CSMD1: variants seen among roughly 807,000 people sequenced by gnomAD.
CSMD1 encodes the protein CUB and Sushi multiple domains 1.
In CSMD1, 213 loss-of-function variants were observed where a neutral mutation model predicts 417.5. That is an observed-to-expected ratio of 0.51 (90% CI 0.46 to 0.57). The LOEUF (loss-of-function observed/expected upper bound fraction) is 0.57. CSMD1 is among the 20% of genes least tolerant of loss of function. CSMD1 has a pLI of 0.00. For missense variants in CSMD1, 6,923 were observed against 4,529.7 expected, an observed-to-expected ratio of 1.53 and a Z score of -15.17; for synonymous variants, 2,862 against 1,736.8, an observed-to-expected ratio of 1.65 and a Z score of -16.11.
At chr8:4,579,409 T>C (rs1219254712) in intron 2 of CSMD1, among the ~76,000 whole-genome samples, 1 of 151,940 alleles carries the variant, frequency 6.6e-6, no homozygotes, top group Non-Finnish European at 1.5e-5. Context: ...TCCAGGCTGG[T>C]GTACAATGGC....
chr8:3,193,946 C>T (rs1357921372), intron 33 of CSMD1, among the ~76,000 whole-genome samples: 3 of 152,158 alleles, frequency 2.0e-5, no homozygotes, highest in Admixed American at 1.3e-4. Flanking sequence ...CAACAACAAT[C>T]ATAAAATAAA....
At chr8:3,470,581 C>T (rs556843754) in intron 11 of CSMD1, among the ~76,000 whole-genome samples, 139 of 152,184 alleles carry the variant, frequency 9.1e-4, no homozygotes, top group Middle Eastern at 3.4e-3. Context: ...TCACATGTCT[C>T]GGCTCCTGAA....
intron 12 of CSMD1, among the ~76,000 whole-genome samples, chr8:3,439,633 C>T (rs1459996833): frequency 7.3e-5 from 11 of 151,372 alleles, no homozygotes; most frequent in South Asian, 2.1e-4. Context: ...GATTTTTCTC[C>T]GAGATGTTTT....
chr8:4,401,566 C>G (rs1804644794), intron 3 of CSMD1, among the ~76,000 whole-genome samples: 1 of 152,138 alleles, frequency 6.6e-6, no homozygotes, highest in East Asian at 1.9e-4. Flanking sequence ...TGCTTTGAGC[C>G]TGTCTAGACC....
chr8:3,015,935 G>A (rs1205403831), intron 52 of CSMD1, among the ~76,000 whole-genome samples: 3 of 152,088 alleles, frequency 2.0e-5, no homozygotes, highest in African/African-American at 7.2e-5. Context: ...CCTTGCATGC[G>A]CCTCCAGAGG....
chr8:4,427,031 G>A (rs1052446460), intron 2 of CSMD1, among the ~76,000 whole-genome samples: 1 of 152,094 alleles, frequency 6.6e-6, no homozygotes, highest in East Asian at 1.9e-4. Flanking sequence ...GTCCCCACGA[G>A]AACTGGTGTA....
rs141937627 is a variant in CSMD1, at chr8:4,334,400, C to G, written c.415+85553G>C. Among the ~76,000 whole-genome samples the G allele has an allele frequency of 1.5e-3, 222 of 152,218 alleles. 1 individual carries two copies. Among genetic ancestry groups the G allele is most frequent in the African/African-American group, 5.1e-3 (212 of 41,532 alleles). On this transcript the variant is annotated intron_variant, in intron 3 of 69. Transcript: ENST00000635120. ...TGGGCTTCATTCAATCTGAGGGGAACTTTAAGAGCAAATACTGAGGTTTTC... is the reference window on the plus strand; with the variant it reads ...TGGGCTTCATTCAATCTGAGGGGAAGTTTAAGAGCAAATACTGAGGTTTTC...
chr8:4,208,322 G>C (rs921881756), intron 3 of CSMD1, among the ~76,000 whole-genome samples: 9 of 152,132 alleles, frequency 5.9e-5, no homozygotes, highest in Admixed American at 5.2e-4. Flanking sequence ...AGAAATAAAA[G>C]CAAATCAGGT....
At chr8:3,580,630 A>T (rs181107083) in intron 9 of CSMD1, among the ~76,000 whole-genome samples, 44 of 152,314 alleles carry the variant, frequency 2.9e-4, no homozygotes, top group African/African-American at 7.9e-4. Context: ...TCAGGTAAAA[A>T]GTATAAAGCT....
chr8:3,677,531 G>A (rs1294359156), intron 7 of CSMD1, among the ~76,000 whole-genome samples: 1 of 152,136 alleles, frequency 6.6e-6, no homozygotes, highest in African/African-American at 2.4e-5. Flanking sequence ...TCCCCAGGGT[G>A]GCTGGGCTCA....
intron 3 of CSMD1, among the ~76,000 whole-genome samples, chr8:4,301,155 T>C (rs376027194): frequency 6.6e-6 from 1 of 152,142 alleles, no homozygotes; most frequent in Admixed American, 6.6e-5. Flanking sequence ...AGCATTGTTG[T>C]GATGGAAAAG....
chr8:4,007,126 C>G (rs965493566), intron 4 of CSMD1, among the ~76,000 whole-genome samples: 2 of 152,082 alleles, frequency 1.3e-5, no homozygotes, highest in African/African-American at 4.8e-5. Flanking sequence ...GTGTCAGCCA[C>G]CGAGCCTGGC....
intron 3 of CSMD1, among the ~76,000 whole-genome samples, chr8:4,097,425 A>G (rs1005378689): frequency 6.6e-6 from 1 of 152,228 alleles, no homozygotes. Context: ...TTGTATACAT[A>G]TACGCTAAAT....
intron 1 of CSMD1, among the ~76,000 whole-genome samples, chr8:4,989,998 C>T: frequency 6.6e-6 from 1 of 152,156 alleles, no homozygotes; most frequent in Non-Finnish European, 1.5e-5. Context: ...GTCGTCTTAC[C>T]AAGCATGATT....
chr8:4,642,393 C>G (rs764048012), intron 1 of CSMD1, among the ~76,000 whole-genome samples: 1 of 152,176 alleles, frequency 6.6e-6, no homozygotes, highest in Non-Finnish European at 1.5e-5. Context: ...CACCCCCCTA[C>G]AGTTGGTTGG....
intron 2 of CSMD1, among the ~76,000 whole-genome samples, chr8:4,584,812 C>G (rs1192358256): frequency 6.6e-6 from 1 of 152,180 alleles, no homozygotes; most frequent in African/African-American, 2.4e-5. Flanking sequence ...AAATTGCTAC[C>G]TGTCTCTGGT....
At chr8:4,474,542 G>A (rs955694074) in intron 2 of CSMD1, among the ~76,000 whole-genome samples, 1 of 152,180 alleles carries the variant, frequency 6.6e-6, no homozygotes, top group Admixed American at 6.5e-5. Context: ...ATGTCATGGG[G>A]TTTAGCACTT....
intron 26 of CSMD1, among the ~76,000 whole-genome samples, chr8:3,270,935 A>T (rs1267827089): frequency 8.7e-5 from 7 of 80,704 alleles, no homozygotes; most frequent in Admixed American, 6.5e-4. Flanking sequence ...TTTTTTATTT[A>T]TTATTATTAT....
At chr8:4,295,113 T>G (rs1286942051) in intron 3 of CSMD1, among the ~76,000 whole-genome samples, 1 of 104,606 alleles carries the variant, frequency 9.6e-6, no homozygotes. Context: ...ATCTTAAGAT[T>G]ACACACATAT....
Sources: allele counts gnomAD v4.1 joint callset (sites outside exome capture counted in the v4.1 genomes callset), GRCh38; gene constraint gnomAD v4.1.1; transcripts MANE v1.5; gene names NCBI Gene and HGNC (gene_info 2026-07-23, HGNC 2026-07-21).